The following FMN2 variants were observed in gnomAD, a reference collection of about 807,000 sequenced individuals.
FMN2 encodes formin-2.
A neutral mutation model predicts 142.3 loss-of-function variants in FMN2; 51 were observed. The ratio of observed to expected loss-of-function variants is 0.36; its 90% confidence interval spans 0.29 to 0.45. FMN2 has a LOEUF of 0.45. FMN2 is among the 20% of genes least tolerant of loss of function. The pLI is 1.00. For synonymous variants in FMN2, 882 were observed against 869.8 expected, an observed-to-expected ratio of 1.01 and a Z score of -0.25; for missense variants, 1,936 against 2,122.8, an observed-to-expected ratio of 0.91 and a Z score of 1.73.
chr1:240,423,751 T>G (rs1674848383), intron 15 of FMN2, among the ~76,000 whole-genome samples: 1 of 152,344 alleles, frequency 6.6e-6, no homozygotes, highest in South Asian at 2.1e-4. Flanking sequence ...ATCATAGATG[T>G]GTGCATAAGA....
rs938952994 is a variant in FMN2, at chr1:240,142,774, A to G, written c.1782+19429A>G. On this transcript the variant is annotated intron_variant, in intron 2 of 17. Coordinates refer to ENST00000319653, the MANE Select transcript of FMN2 (RefSeq NM_020066.5). Reference sequence around the variant, plus strand: ...AATTCTGCCCGTTCCCCGTGGGCCAACGACACTGGGGTTGTATGTGTCTGG... The same window carrying G: ...AATTCTGCCCGTTCCCCGTGGGCCAGCGACACTGGGGTTGTATGTGTCTGG... 7 of 1,594,884 alleles carry G rather than the reference A, an allele frequency of 4.4e-6. No individual in the cohort carries two copies. The Admixed American group carries it at 5.0e-5, about 11-fold the overall frequency.
Position 240,167,116 on chromosome 1 carries a change from C to T in FMN2, c.1783-10805C>T, listed in dbSNP as rs532902314. ...GAGCCTGGGTGGCAGAGCAGGACTCCATCTCAAACAACAACAATAACAAAA... is the reference window on the plus strand; with the variant it reads ...GAGCCTGGGTGGCAGAGCAGGACTCTATCTCAAACAACAACAATAACAAAA... On this transcript the variant is annotated intron_variant, in intron 2 of 17. Transcript: ENST00000319653. 2.0e-5 allele frequency among the ~76,000 whole-genome samples: 3 copies of T among 152,150 alleles called. No individual in the cohort carries two copies. In the South Asian group the frequency reaches 6.2e-4, roughly 32 times the overall value.
chr1:240,407,395 C>T (rs889994461), intron 15 of FMN2, among the ~76,000 whole-genome samples: 4 of 152,030 alleles, frequency 2.6e-5, no homozygotes, highest in Non-Finnish European at 5.9e-5. Context: ...CGCCTCGGCC[C>T]CCCAGAGTGC....
intron 3 of FMN2, among the ~76,000 whole-genome samples, chr1:240,181,662 C>G (rs1245697841): frequency 6.6e-6 from 1 of 152,134 alleles, no homozygotes; most frequent in Non-Finnish European, 1.5e-5. Context: ...CTTTTGAAGT[C>G]TGCAGAACAC....
chr1:240,291,173 C>T (rs978625179), intron 7 of FMN2, among the ~76,000 whole-genome samples: 6 of 152,022 alleles, frequency 3.9e-5, no homozygotes, highest in South Asian at 4.1e-4. Context: ...TAAATATCTC[C>T]GTTGTTTTAA....
At chr1:240,192,213 C>T (rs537350094) in intron 4 of FMN2, among the ~76,000 whole-genome samples, 2 of 152,100 alleles carry the variant, frequency 1.3e-5, no homozygotes, top group Non-Finnish European at 2.9e-5. Context: ...CCATTAGTTT[C>T]AGAAATAATT....
chr1:240,180,649 C>A (rs554286764), intron 3 of FMN2, among the ~76,000 whole-genome samples: 21 of 149,560 alleles, frequency 1.4e-4, no homozygotes, highest in Non-Finnish European at 2.5e-4. Flanking sequence ...TCACTGCAAC[C>A]TCCGCCTCCT....
intron 2 of FMN2, among the ~76,000 whole-genome samples, chr1:240,172,705 T>A (rs1664756656): frequency 6.6e-6 from 1 of 152,126 alleles, no homozygotes; most frequent in South Asian, 2.1e-4. Context: ...TTCCATGTTT[T>A]TTCTTTAAAT....
chr1:240,183,733 G>A (rs531182306), intron 3 of FMN2, among the ~76,000 whole-genome samples: 17 of 151,918 alleles, frequency 1.1e-4, no homozygotes, highest in African/African-American at 4.1e-4. Context: ...GGAAAATTCA[G>A]GTATTTAACC....
intron 6 of FMN2, among the ~76,000 whole-genome samples, chr1:240,229,549 T>TA (rs1005750113): frequency 1.5e-4 from 23 of 152,250 alleles, no homozygotes; most frequent in Admixed American, 1.2e-3. Context: ...GTACTGTTTA[T>TA]AAAAAATGAC....
chr1:240,371,899 A>G (rs1465698520), intron 14 of FMN2, among the ~76,000 whole-genome samples: 1 of 152,178 alleles, frequency 6.6e-6, no homozygotes, highest in East Asian at 1.9e-4. Context: ...TCTGTTGTGC[A>G]TGAATAAAAT....
At chr1:240,221,742 C>CTTTGTCTTTTTT (rs1489849103) in intron 6 of FMN2, among the ~76,000 whole-genome samples, 25 of 151,920 alleles carry the variant, frequency 1.6e-4, no homozygotes, top group Middle Eastern at 3.4e-3. Flanking sequence ...AATTAGATCC[C>CTTTGTCTTTTTT]GTTTGTCAAT....
chr1:240,236,519 G>T (rs993217914), intron 6 of FMN2, among the ~76,000 whole-genome samples: 2 of 152,172 alleles, frequency 1.3e-5, no homozygotes, highest in African/African-American at 2.4e-5. Context: ...TTTGGCTCAT[G>T]GTTCTGTAGA....
chr1:240,306,541 G>T (rs999123203), intron 8 of FMN2, among the ~76,000 whole-genome samples: 24 of 152,172 alleles, frequency 1.6e-4, no homozygotes, highest in African/African-American at 5.6e-4. Flanking sequence ...TGGAATAACA[G>T]TCTCTAGCTG....
chr1:240,249,563 T>G (rs1668207325), intron 6 of FMN2, among the ~76,000 whole-genome samples: 2 of 152,116 alleles, frequency 1.3e-5, no homozygotes, highest in South Asian at 4.1e-4. Context: ...TTATTCGTTT[T>G]GCTCCGGATT....
At chr1:240,173,156 G>T (rs1374373101) in intron 2 of FMN2, among the ~76,000 whole-genome samples, 1 of 152,064 alleles carries the variant, frequency 6.6e-6, no homozygotes, top group Non-Finnish European at 1.5e-5. Context: ...GGCTGGTCTC[G>T]AACTCCTGAT....
intron 1 of FMN2, among the ~76,000 whole-genome samples, chr1:240,114,330 A>T (rs915384950): frequency 6.6e-6 from 1 of 152,188 alleles, no homozygotes; most frequent in Non-Finnish European, 1.5e-5. Flanking sequence ...TCTAGAATGG[A>T]TGCTAGGTGC....
chr1:240,289,090 A>G (rs767762462), intron 7 of FMN2, among the ~76,000 whole-genome samples: 8 of 152,128 alleles, frequency 5.3e-5, no homozygotes, highest in Non-Finnish European at 1.0e-4. Flanking sequence ...GAAATGAATA[A>G]CACACTTGGT....
At chr1:240,436,194 G>T (rs1475385024) in intron 15 of FMN2, among the ~76,000 whole-genome samples, 1 of 152,078 alleles carries the variant, frequency 6.6e-6, no homozygotes, top group Non-Finnish European at 1.5e-5. Flanking sequence ...CTCACATAGC[G>T]TATGCACTTC....
Sources: allele counts gnomAD v4.1 joint callset (sites outside exome capture counted in the v4.1 genomes callset), GRCh38; gene constraint gnomAD v4.1.1; transcripts MANE v1.5; gene names NCBI Gene and HGNC (gene_info 2026-07-23, HGNC 2026-07-21).